Variants in GLIS3 observed in about 807,000 individuals in gnomAD.
GLIS3 encodes GLIS family zinc finger 3.
A neutral mutation model predicts 78.6 loss-of-function variants in GLIS3; 53 were observed. The ratio of observed to expected loss-of-function variants is 0.67; its 90% CI spans 0.54 to 0.85. The LOEUF (loss-of-function observed/expected upper bound fraction) is 0.85. GLIS3 is among the 40% of genes least tolerant of loss of function. The pLI is 0.00. For synonymous variants in GLIS3, 684 were observed against 509.9 expected (o/e 1.34, Z -4.60); for missense variants, 1,703 against 1,231.1 (o/e 1.38, Z -5.74).
At chr9:4,267,304 A>G (rs1327790390) in intron 2 of GLIS3, among the ~76,000 whole-genome samples, 3 of 152,168 alleles carry the variant, frequency 2.0e-5, no homozygotes, top group African/African-American at 7.2e-5. Context: ...TTATAGATAG[A>G]TTATGTATAA....
intron 4 of GLIS3, among the ~76,000 whole-genome samples, chr9:4,308,547 G>T (rs1014517465): frequency 1.3e-5 from 2 of 152,038 alleles, no homozygotes; most frequent in Non-Finnish European, 2.9e-5. Context: ...ATCTCCCCCA[G>T]CCTTGAGGAT....
intron 2 of GLIS3, among the ~76,000 whole-genome samples, chr9:4,149,609 C>T (rs1464665848): frequency 6.6e-6 from 1 of 152,190 alleles, no homozygotes; most frequent in Admixed American, 6.5e-5. Flanking sequence ...GTCAGGCATG[C>T]AAGTACAAAT....
chr9:4,068,823 T>A (rs1423688263), intron 4 of GLIS3, among the ~76,000 whole-genome samples: 1 of 120,812 alleles, frequency 8.3e-6, no homozygotes, highest in Non-Finnish European at 1.7e-5. Flanking sequence ...CATGCATGCA[T>A]GCATGTATGC....
At chr9:4,023,564 A>C (rs1351219761) in intron 4 of GLIS3, among the ~76,000 whole-genome samples, 1 of 152,200 alleles carries the variant, frequency 6.6e-6, no homozygotes, top group Non-Finnish European at 1.5e-5. Context: ...TCGTGTTAAG[A>C]GACGTGTTAG....
chr9:4,458,783 G>C, the GLIS3 span, among the ~76,000 whole-genome samples: 1 of 152,178 alleles, frequency 6.6e-6, no homozygotes, highest in African/African-American at 2.4e-5. Context: ...GGGCAACAGA[G>C]CGAGACTTGA....
chr9:4,405,527 A>C, the GLIS3 span, among the ~76,000 whole-genome samples: 1 of 152,190 alleles, frequency 6.6e-6, no homozygotes, highest in African/African-American at 2.4e-5. Context: ...TTGAATCAGG[A>C]AGAAATCCAA....
intron 2 of GLIS3, among the ~76,000 whole-genome samples, chr9:4,341,862 G>A (rs549275725): frequency 4.5e-4 from 69 of 152,258 alleles, no homozygotes; most frequent in African/African-American, 1.4e-3. Context: ...TAACAGTTAA[G>A]CATACTACAT....
chr9:4,219,828 C>G (rs775046732), intron 2 of GLIS3, among the ~76,000 whole-genome samples: 4 of 152,154 alleles, frequency 2.6e-5, no homozygotes, highest in Non-Finnish European at 4.4e-5. Flanking sequence ...CCAGCTGCTA[C>G]GTATTTCCTA....
At chr9:3,828,467 A>G (rs1408895831) in intron 10 of GLIS3, 59 bp from the exon 11 acceptor site, 1 of 1,602,516 alleles carries the variant, frequency 6.2e-7, no homozygotes, top group Non-Finnish European at 8.5e-7. Context: ...CGCCCACTGG[A>G]AATGCACTAC....
upstream of GLIS3, among the ~76,000 whole-genome samples, chr9:4,350,399 C>G (rs1817953706): frequency 6.6e-6 from 1 of 152,162 alleles, no homozygotes; most frequent in African/African-American, 2.4e-5. Context: ...ATTTTTTCCT[C>G]CCATCTCTAT....
chr9:4,185,454 C>G (rs1563717389), intron 2 of GLIS3, among the ~76,000 whole-genome samples: 1 of 152,074 alleles, frequency 6.6e-6, no homozygotes, highest in Non-Finnish European at 1.5e-5. Flanking sequence ...CTAATATATA[C>G]TTTTTTGTAG....
At chr9:4,350,239 C>T (rs959817828), upstream of GLIS3, among the ~76,000 whole-genome samples, 4 of 152,196 alleles carry the variant, frequency 2.6e-5, no homozygotes, top group African/African-American at 9.7e-5. Context: ...CGCAAGGCAC[C>T]TATTCACCAG....
intron 4 of GLIS3, among the ~76,000 whole-genome samples, chr9:3,961,021 G>A (rs1308219443): frequency 6.6e-6 from 1 of 152,162 alleles, no homozygotes; most frequent in East Asian, 1.9e-4. Flanking sequence ...ATTTGGCTGA[G>A]CTCACCAATT....
the GLIS3 span, among the ~76,000 whole-genome samples, chr9:4,482,739 C>G: frequency 6.6e-6 from 1 of 152,108 alleles, no homozygotes; most frequent in Non-Finnish European, 1.5e-5. Flanking sequence ...GTCAAAGTCT[C>G]CTTCCTTTAG....
intron 8 of GLIS3, among the ~76,000 whole-genome samples, chr9:3,858,609 A>G (rs1819947455): frequency 6.6e-6 from 1 of 152,218 alleles, no homozygotes; most frequent in Admixed American, 6.5e-5. Context: ...ATAATTTCAA[A>G]ACATAGTATG....
At chr9:4,314,550 G>A (rs549809649) in intron 2 of GLIS3, among the ~76,000 whole-genome samples, 1 of 152,244 alleles carries the variant, frequency 6.6e-6, no homozygotes, top group Non-Finnish European at 1.5e-5. Flanking sequence ...AAGAAAGTAA[G>A]GGATCTTCTG....
chr9:3,832,336 C>G (rs1588046939), intron 9 of GLIS3, among the ~76,000 whole-genome samples: 1 of 151,698 alleles, frequency 6.6e-6, no homozygotes, highest in African/African-American at 2.4e-5. Flanking sequence ...CCAAAAAGAA[C>G]AAGTAAGTTA....
chr9:4,159,502 T>C (rs1835306030), intron 2 of GLIS3, among the ~76,000 whole-genome samples: 1 of 152,138 alleles, frequency 6.6e-6, no homozygotes, highest in African/African-American at 2.4e-5. Context: ...GTGGATCACT[T>C]GAGGTGAGGA....
chr9:3,829,252 C>T, intron 10 of GLIS3, 58 bp downstream of exon 10: 2 of 1,533,340 alleles, frequency 1.3e-6, no homozygotes, highest in Non-Finnish European at 1.8e-6. Context: ...CACGGGCAGC[C>T]CACCTGGTCT....
Sources: allele counts gnomAD v4.1 joint callset (sites outside exome capture counted in the v4.1 genomes callset), GRCh38; gene constraint gnomAD v4.1.1; transcripts MANE v1.5; gene names NCBI Gene and HGNC (gene_info 2026-07-23, HGNC 2026-07-21).